The following IL1RAPL2 variants were observed in gnomAD, a reference collection of about 807,000 sequenced individuals.
The protein encoded by IL1RAPL2 is interleukin 1 receptor accessory protein like 2.
In IL1RAPL2, 3 loss-of-function variants were observed where a neutral mutation model predicts 44.1. The observed-to-expected ratio is 0.07, with a 90% CI of 0.03 to 0.18. The LOEUF is 0.18. Ranked by LOEUF, IL1RAPL2 falls within the 10% of genes least tolerant of loss-of-function variation. IL1RAPL2 has a pLI of 1.00. For missense variants in IL1RAPL2, 391 were observed against 496.4 expected (o/e 0.79, Z 2.02); for synonymous variants, 181 against 178.8 (o/e 1.01, Z -0.10).
chrX:105,262,104 G>A (rs1052304264), intron 4 of IL1RAPL2, among the ~76,000 whole-genome samples: 2 of 112,237 alleles, frequency 1.8e-5, no homozygotes, highest in Admixed American at 1.9e-4. Flanking sequence ...TCTGCTCCCA[G>A]TGAGCTGTGA....
intron 5 of IL1RAPL2, among the ~76,000 whole-genome samples, chrX:105,428,443 G>A (rs926266984): frequency 1.8e-5 from 2 of 111,281 alleles, no homozygotes; most frequent in African/African-American, 6.5e-5. Context: ...CAGAGTTCCC[G>A]ACAACATCCA....
intron 2 of IL1RAPL2, among the ~76,000 whole-genome samples, chrX:104,852,950 C>T (rs1922267183): frequency 9.0e-6 from 1 of 111,599 alleles, no homozygotes; most frequent in South Asian, 3.8e-4. Flanking sequence ...ATGATGGGTG[C>T]ATTGGCCCAG....
chrX:105,234,726 TG>T (rs2034104348), intron 4 of IL1RAPL2, among the ~76,000 whole-genome samples: 1 of 107,642 alleles, frequency 9.3e-6, no homozygotes, highest in Non-Finnish European at 1.9e-5. Context: ...GAGAACCACT[TG>T]AACATGGGAG....
chrX:104,946,165 G>A (rs1393126075), intron 2 of IL1RAPL2, among the ~76,000 whole-genome samples: 2 of 103,985 alleles, frequency 1.9e-5, no homozygotes, highest in African/African-American at 7.0e-5. Context: ...GAGGTCAGGA[G>A]ATCGAGACCA....
intron 2 of IL1RAPL2, among the ~76,000 whole-genome samples, chrX:104,795,397 A>C (rs1201810901): frequency 9.6e-6 from 1 of 104,427 alleles, no homozygotes; most frequent in Admixed American, 1.1e-4. Flanking sequence ...TTGAAGCAAG[A>C]CTTCTATCCC....
intron 1 of IL1RAPL2, among the ~76,000 whole-genome samples, chrX:104,615,133 C>T (rs1929242923): frequency 9.0e-6 from 1 of 111,468 alleles, no homozygotes; most frequent in Non-Finnish European, 1.9e-5. Flanking sequence ...TCTTTTGTTT[C>T]CATGTTTAGA....
chrX:105,341,219 T>G lies in IL1RAPL2; in HGVS notation c.697+73678T>G, dbSNP rs187019465. On this transcript the variant is annotated intron_variant, in intron 5 of 10. Coordinates refer to ENST00000372582, the MANE Select transcript of IL1RAPL2 (RefSeq NM_017416.2). Reference sequence around the variant, plus strand: ...TCATACATACTTGCAATTGCTTACTTTCTGCCAGTCTAAATCAAGAATATA... The same window carrying G: ...TCATACATACTTGCAATTGCTTACTGTCTGCCAGTCTAAATCAAGAATATA... Among the ~76,000 whole-genome samples the G allele has an allele frequency of 1.3e-4, 14 of 111,870 alleles. No individual in the cohort carries two copies. The Admixed American group carries it at 1.3e-3, about 11-fold the overall frequency.
At chrX:104,725,607 T>C in intron 2 of IL1RAPL2, among the ~76,000 whole-genome samples, 1 of 112,268 alleles carries the variant, frequency 8.9e-6, no homozygotes, top group Non-Finnish European at 1.9e-5. Context: ...CTCATTGTGG[T>C]TTTGATTTGC....
chrX:105,307,284 A>T (rs1390620596), intron 5 of IL1RAPL2, among the ~76,000 whole-genome samples: 3 of 95,939 alleles, frequency 3.1e-5, no homozygotes, highest in Admixed American at 1.3e-4. Context: ...ATTTTTTTTT[A>T]AATTAGCTAG....
chrX:105,033,033 A>G (rs1018183017), intron 2 of IL1RAPL2, among the ~76,000 whole-genome samples: 3 of 111,162 alleles, frequency 2.7e-5, no homozygotes, highest in Admixed American at 1.9e-4. Flanking sequence ...TTTATCAGAG[A>G]CTAGGATTGC....
intron 2 of IL1RAPL2, among the ~76,000 whole-genome samples, chrX:105,070,039 A>G (rs1225693687): frequency 1.8e-5 from 2 of 111,872 alleles, no homozygotes; most frequent in Non-Finnish European, 3.8e-5. Context: ...ATGCCTTGGT[A>G]ATCTCTTGGT....
chrX:105,460,388 C>T (rs1484104805), intron 5 of IL1RAPL2, among the ~76,000 whole-genome samples: 1 of 110,391 alleles, frequency 9.1e-6, no homozygotes, highest in African/African-American at 3.3e-5. Context: ...CTCTACATCT[C>T]TCTCTCCTTT....
chrX:104,893,529 T>C (rs1191817285), intron 2 of IL1RAPL2, among the ~76,000 whole-genome samples: 1 of 111,886 alleles, frequency 8.9e-6, no homozygotes, highest in Non-Finnish European at 1.9e-5. Flanking sequence ...TTGATCCCTT[T>C]ACCATTATGT....
At chrX:105,671,839 T>A (rs1256834688) in intron 6 of IL1RAPL2, among the ~76,000 whole-genome samples, 3 of 111,596 alleles carry the variant, frequency 2.7e-5, no homozygotes, top group African/African-American at 6.5e-5. Context: ...ATTCATTTTT[T>A]TTTCTAGTCT....
intron 2 of IL1RAPL2, among the ~76,000 whole-genome samples, chrX:104,904,989 G>A (rs1227219210): frequency 8.1e-5 from 9 of 110,773 alleles, no homozygotes; most frequent in Middle Eastern, 4.2e-3. Context: ...TTTAATGATT[G>A]CCATTCTAAC....
intron 2 of IL1RAPL2, among the ~76,000 whole-genome samples, chrX:104,967,389 A>G (rs1170729279): frequency 2.7e-5 from 3 of 111,806 alleles, no homozygotes; most frequent in Admixed American, 1.9e-4. Flanking sequence ...ACATGTAAAA[A>G]CTTGTGAAAT....
chrX:104,763,219 C>A (rs1932497010), intron 2 of IL1RAPL2, among the ~76,000 whole-genome samples: 1 of 112,045 alleles, frequency 8.9e-6, no homozygotes, highest in Non-Finnish European at 1.9e-5. Flanking sequence ...TTTACTAAAG[C>A]ATAGCAAGGG....
intron 1 of IL1RAPL2, among the ~76,000 whole-genome samples, chrX:104,656,810 A>G (rs761794515): frequency 9.9e-5 from 11 of 111,442 alleles, no homozygotes; most frequent in Admixed American, 4.8e-4. Flanking sequence ...ATGGCAGTCT[A>G]CGTCTCTTTG....
chrX:104,903,712 G>A (rs1286750923), intron 2 of IL1RAPL2, among the ~76,000 whole-genome samples: 2 of 110,315 alleles, frequency 1.8e-5, no homozygotes, highest in African/African-American at 3.3e-5. Context: ...CGAGTAGCTG[G>A]GACTACAGGC....
Sources: allele counts gnomAD v4.1 joint callset (sites outside exome capture counted in the v4.1 genomes callset), GRCh38; gene constraint gnomAD v4.1.1; transcripts MANE v1.5; gene names NCBI Gene and HGNC (gene_info 2026-07-23, HGNC 2026-07-21).